Variants in WTIP observed in about 807,000 individuals in gnomAD.
The protein encoded by WTIP is WT1 interacting protein, also known as Wilms tumor protein 1-interacting protein.
A neutral mutation model predicts 41.7 loss-of-function variants in WTIP; 23 were observed. The ratio of observed to expected loss-of-function variants is 0.55; its 90% CI spans 0.40 to 0.78. WTIP has a LOEUF of 0.78. Ranked by LOEUF, WTIP falls within the 30% of genes least tolerant of loss-of-function variation. The pLI is 0.00. For missense variants in WTIP, 619 were observed against 610.5 expected, an observed-to-expected ratio of 1.01 and a Z score of -0.15; for synonymous variants, 314 against 269.9, an observed-to-expected ratio of 1.16 and a Z score of -1.60.
intron 6 of WTIP, 30 bp from the exon 7 acceptor site, chr19:34,495,673 A>G: frequency 6.2e-7 from 1 of 1,612,850 alleles, no homozygotes; most frequent in Non-Finnish European, 8.5e-7. Flanking sequence ...CCACATGCTC[A>G]TCGTGTGTGA....
In WTIP at chr19:34,510,494, T is replaced by C. The variant is rs2075929022; in HGVS notation, c.*10225T>C. On this transcript the variant is annotated 3_prime_UTR_variant, in exon 8 of 8. Coordinates refer to ENST00000590071, the MANE Select transcript of WTIP (RefSeq NM_001080436.2). ...ACAAAACCATTTTTTGCTCCTAGGC[T>C]TCTGGGTCTGTGATGGGAAGACCAA... The C allele has an allele frequency of 6.6e-6, 1 of 152,208 alleles. No homozygotes were observed. The highest frequency in any genetic ancestry group is 2.1e-4 in the South Asian group (1 of 4,832). 9.4% of individuals were successfully genotyped at this position (152,208 alleles called of 1,614,324 possible). A position where few individuals can be genotyped will look rare whatever the true frequency, so the allele number is the denominator to read the frequency against.
At position 34,507,667 on chromosome 19, in the gene WTIP, G is replaced by C. The variant is rs2075918191; in HGVS notation, c.*7398G>C. 1 of 152,256 alleles carries C rather than the reference G, an allele frequency of 6.6e-6. No individual in the cohort carries two copies. The highest frequency in any genetic ancestry group is 2.1e-4 in the South Asian group (1 of 4,826). The allele number at this position is 152,256 out of a possible 1,614,324, so 9.4% of individuals were successfully genotyped here. A position where few individuals can be genotyped will look rare whatever the true frequency, so the allele number is the denominator to read the frequency against. On this transcript the variant is annotated 3_prime_UTR_variant, in exon 8 of 8. Transcript: ENST00000590071. ...TGGGACAGTGCTTGTCAGTGGATGG[G>C]CTTTTGCATAGGGGGATGGGGTAGG... is the stretch of plus-strand genomic sequence containing the variant.
chr19:34,495,336 G>A lies in WTIP; in HGVS notation c.1084-367G>A, dbSNP rs143769901. 3.4e-3 allele frequency among the ~76,000 whole-genome samples: 520 copies of A among 152,218 alleles called. 3 individuals are homozygous for A. Among genetic ancestry groups the A allele is most frequent in the African/African-American group, 0.012 (486 of 41,522 alleles). On this transcript the variant is annotated intron_variant, in intron 6 of 7. Transcript: ENST00000590071. The stretch of plus-strand genomic sequence containing the variant: ...TGCTTGAGCCCAGGAGTTTGAGGCC[G>A]CAGTGAGCTGTGATTGCACCACTGC...
At position 34,493,182 on chromosome 19, in the gene WTIP, C is replaced by T. The variant is rs2075834557; in HGVS notation, c.837+78C>T. 4 of 1,612,608 alleles carry T rather than the reference C, an allele frequency of 2.5e-6. No homozygotes were observed. The Admixed American group carries it at 5.0e-5, about 20-fold the overall frequency. On this transcript the variant is annotated intron_variant, in intron 3 of 7. Coordinates refer to ENST00000590071, the MANE Select transcript of WTIP (RefSeq NM_001080436.2). The surrounding 1 kb of genome is among the most constrained non-coding windows in gnomAD (Gnocchi z 4.1). ...CCCTCATTCTGACTCGAGTGGAGAC[C>T]TGAGGCCAGGAGGCAGGTGCTAGCT...
At chr19:34,489,607 G>A (rs914387135) in intron 1 of WTIP, among the ~76,000 whole-genome samples, 11 of 141,710 alleles carry the variant, frequency 7.8e-5, no homozygotes, top group Admixed American at 5.6e-4. Flanking sequence ...CCAAGAGCAG[G>A]CCATGGATGA....
chr19:34,484,559 G>A (rs2075787823), intron 1 of WTIP, among the ~76,000 whole-genome samples: 1 of 152,180 alleles, frequency 6.6e-6, no homozygotes, highest in Non-Finnish European at 1.5e-5. Flanking sequence ...CAGGAAGAGA[G>A]GCTGGGGCTG....
At position 34,500,170 on chromosome 19, in the gene WTIP, C is replaced by G. The variant is rs759425052; in HGVS notation, c.1194C>G (p.Cys398Trp). 6.2e-7 allele frequency: 1 copy of G among 1,602,500 alleles called. No homozygotes were observed. The highest frequency in any genetic ancestry group is 1.1e-5 in the South Asian group (1 of 91,012). Residue 398 changes from cysteine (C) to tryptophan (W), a missense_variant, in exon 8 of 8, where the codon TGC becomes TGG. By Grantham distance (215) the Cys-to-Trp change is radical. Around this residue, in one of 3 missense-constraint regions of WTIP, gnomAD observed 92 missense variants for 82.4 expected, o/e 1.12. Transcript: ENST00000590071. ...LQLSGEEGRR[C>W]YPLAGHLLCR... is the part of the protein sequence containing the mutation. ...TGAGCGGGGAGGAGGGACGCCGTTG[C>G]TATCCCCTGGCGGGCCACCTACTGT... is the stretch of plus-strand genomic sequence containing the variant.
At chr19:34,495,862 A>C (rs35126035) in intron 7 of WTIP, 91 bp downstream of exon 7, 667,273 of 1,357,268 alleles carry the variant, frequency 0.49, 177,677 homozygotes, top group Non-Finnish European at 0.55. Flanking sequence ...TTACCTTATC[A>C]AAATTTTAGT....
chr19:34,499,582 A>C (rs1192598320), intron 7 of WTIP, among the ~76,000 whole-genome samples: 2 of 152,172 alleles, frequency 1.3e-5, no homozygotes, highest in Admixed American at 6.5e-5. Flanking sequence ...TTGACTGCTC[A>C]GCCCTCTCCC....
At chr19:34,498,037 G>A (rs902340300) in intron 7 of WTIP, among the ~76,000 whole-genome samples, 36 of 152,134 alleles carry the variant, frequency 2.4e-4, no homozygotes, top group African/African-American at 7.5e-4. Context: ...GGCCTGGTGT[G>A]CAGCGGTCGG....
In WTIP at chr19:34,503,447, C is replaced by T. The variant is rs1202469512; in HGVS notation, c.*3178C>T. On this transcript the variant is annotated 3_prime_UTR_variant, in exon 8 of 8. Coordinates refer to ENST00000590071, the MANE Select transcript of WTIP (RefSeq NM_001080436.2). ...TTTGCCAACAGCAGTATCTCCATTT[C>T]ATGCCCAGGGGTGACACTGACCCCA... is the stretch of plus-strand genomic sequence containing the variant. The T allele has an allele frequency of 1.3e-5, 2 of 152,362 alleles. No homozygotes were observed. The highest frequency in any genetic ancestry group is 6.5e-5 in the Admixed American group (1 of 15,290). The allele number at this position is 152,362 out of a possible 1,614,324, so 9.4% of individuals were successfully genotyped here.
Position 34,500,311 on chromosome 19 carries a change from T to A in WTIP, c.*42T>A, listed in dbSNP as rs938147429. The A allele has an allele frequency of 2.0e-6, 3 of 1,536,310 alleles. No homozygotes were observed. The highest frequency in any genetic ancestry group is 2.6e-6 in the Non-Finnish European group (3 of 1,141,616). On this transcript the variant is annotated 3_prime_UTR_variant, in exon 8 of 8. Transcript: ENST00000590071. ...CCCTGGGCCGGGGTGGGTGTGGGTG[T>A]GGAGGGAGGGCCCGCGTGGGTGGCC...
At chr19:34,491,277 C>A (rs2075823863) in intron 2 of WTIP, among the ~76,000 whole-genome samples, 1 of 152,156 alleles carries the variant, frequency 6.6e-6, no homozygotes, top group Non-Finnish European at 1.5e-5. Flanking sequence ...TTCTTCCAGA[C>A]CTTGCCTTAA....
intron 7 of WTIP, among the ~76,000 whole-genome samples, chr19:34,498,272 G>A (rs1183257085): frequency 2.6e-5 from 4 of 151,988 alleles, no homozygotes; most frequent in Non-Finnish European, 5.9e-5. Context: ...CTGCTTCCCA[G>A]GTCCTCTCAC....
intron 2 of WTIP, among the ~76,000 whole-genome samples, chr19:34,492,271 C>G (rs1299244014): frequency 6.7e-6 from 1 of 150,352 alleles, no homozygotes; most frequent in Non-Finnish European, 1.5e-5. Context: ...CGTACCACCA[C>G]GACTGGCTAA....
Position 34,482,337 on chromosome 19 carries a change from G to T in WTIP, c.363G>T (p.Pro121=). ...SLGYDQRHGS[P]RSGRSDPRPG... is the part of the protein sequence containing the mutation. ...GCTACGACCAGCGCCACGGCAGCCC[G>T]CGCTCCGGTCGCTCGGACCCGCGTC... is the stretch of plus-strand genomic sequence containing the variant. The change falls in exon 1 of 8, where the codon CCG becomes CCT. Residue 121 remains proline, a synonymous_variant. Transcript: ENST00000590071. 7.2e-7 allele frequency: 1 copy of T among 1,385,024 alleles called. No homozygotes were observed. The highest frequency in any genetic ancestry group is 1.4e-5 in the South Asian group (1 of 70,808). The allele number at this position is 1,385,024 out of a possible 1,614,324, so 85.8% of individuals were successfully genotyped here.
chr19:34,494,122 G>C (rs2075840640), intron 5 of WTIP, among the ~76,000 whole-genome samples: 1 of 152,188 alleles, frequency 6.6e-6, no homozygotes, highest in Non-Finnish European at 1.5e-5. Context: ...GGTGAAGCCA[G>C]GTCTCACAGT....
At position 34,507,407 on chromosome 19, in the gene WTIP, C is replaced by A. The variant is rs1279855719; in HGVS notation, c.*7138C>A. The A allele has an allele frequency of 1.4e-5, 2 of 140,648 alleles. No homozygotes were observed. Among genetic ancestry groups the A allele is most frequent in the Admixed American group, 7.1e-5 (1 of 14,026 alleles). 8.7% of individuals were successfully genotyped at this position (140,648 alleles called of 1,614,324 possible). A position where few individuals can be genotyped will look rare whatever the true frequency, so the allele number is the denominator to read the frequency against. ...CATATTTGGGTGCAGTATTTGATGC[C>A]CAAAAGAACAAACATAAACCAAAAA... On this transcript the variant is annotated 3_prime_UTR_variant, in exon 8 of 8. Coordinates refer to ENST00000590071, the MANE Select transcript of WTIP (RefSeq NM_001080436.2).
In WTIP at chr19:34,498,284, A is replaced by G. The variant is rs563054817; in HGVS notation, c.1153-1845A>G. Among the ~76,000 whole-genome samples the G allele has an allele frequency of 5.9e-4, 90 of 151,416 alleles. 1 individual carries two copies. The highest frequency in any genetic ancestry group is 2.2e-3 in the African/African-American group (88 of 40,794). On this transcript the variant is annotated intron_variant, in intron 7 of 7. Coordinates refer to ENST00000590071, the MANE Select transcript of WTIP (RefSeq NM_001080436.2). ...CCCCTGCTTCCCAGGTCCTCTCACC[A>G]TTGCCTCTTCAGACCACCCGGGGGT...
Sources: allele counts gnomAD v4.1 joint callset (sites outside exome capture counted in the v4.1 genomes callset), GRCh38; gene constraint gnomAD v4.1.1; regional missense constraint gnomAD v4.1.1; non-coding constraint Gnocchi (gnomAD v3.1); transcripts MANE v1.5; gene names NCBI Gene and HGNC (gene_info 2026-07-23, HGNC 2026-07-21).